XKR6: variants seen among roughly 807,000 people sequenced by gnomAD.
XKR6 encodes the protein XK-related protein 6.
Under a neutral mutation model 56.7 loss-of-function variants are expected in XKR6, and 22 were observed. The observed-to-expected ratio is 0.39, with a 90% CI of 0.28 to 0.55. The LOEUF is 0.55. Among genes scored for constraint, XKR6 ranks in the 20% least tolerant of loss-of-function variants. The pLI is 0.66. For missense variants in XKR6, 852 were observed against 889.0 expected (o/e 0.96, Z 0.53); for synonymous variants, 524 against 387.8 (o/e 1.35, Z -4.13).
intron 2 of XKR6, among the ~76,000 whole-genome samples, chr8:10,923,025 G>C (rs995409396): frequency 2.0e-5 from 3 of 152,214 alleles, no homozygotes; most frequent in Admixed American, 2.0e-4. Flanking sequence ...GCCTCTTCCT[G>C]ACAGTGAGGA....
In XKR6 at chr8:11,054,021, T is replaced by C. The variant is rs115983333; in HGVS notation, c.765-129191A>G. 1.9e-3 allele frequency among the ~76,000 whole-genome samples: 290 copies of C among 152,354 alleles called. 1 individual carries two copies. The highest frequency in any genetic ancestry group is 6.6e-3 in the African/African-American group (275 of 41,574). ...TGGAGTGGATGTTTTTCCTTCTTTA[T>C]ATTTCCTCTAACATTATGTGATAAC... On this transcript the variant is annotated intron_variant, in intron 1 of 2. Transcript: ENST00000416569.
intron 1 of XKR6, among the ~76,000 whole-genome samples, chr8:11,011,698 G>C (rs1364617239): frequency 6.6e-6 from 1 of 152,222 alleles, no homozygotes; most frequent in Non-Finnish European, 1.5e-5. Context: ...CCTGGGGACA[G>C]AGGCTGCGAT....
At position 11,201,637 on chromosome 8, in the gene XKR6, C is replaced by G. The variant is rs1178495118; in HGVS notation, c.-298G>C. On this transcript the variant is annotated 5_prime_UTR_variant, in exon 1 of 3. Coordinates refer to ENST00000416569, the MANE Select transcript of XKR6 (RefSeq NM_173683.4). The stretch of plus-strand genomic sequence containing the variant: ...CTGCTGGGCGGGGGACCGGGGGGTT[C>G]TCCCCGCCAGGGCTCCCCTTCCCCT... Among the ~76,000 whole-genome samples, 1 of 152,118 alleles carries G rather than the reference C, an allele frequency of 6.6e-6. No individual in the cohort carries two copies. The highest frequency in any genetic ancestry group is 2.4e-5 in the African/African-American group (1 of 41,442).
At position 11,024,284 on chromosome 8, in the gene XKR6, C is replaced by CATTTCATG. The variant is rs1172981460; in HGVS notation, c.765-99462_765-99455dup. 4.0e-5 allele frequency among the ~76,000 whole-genome samples: 6 copies of CATTTCATG among 148,834 alleles called. No homozygotes were observed. The East Asian group carries it at 1.2e-3, about 30-fold the overall frequency. On this transcript the variant is annotated intron_variant, in intron 1 of 2. Transcript: ENST00000416569. The stretch of plus-strand genomic sequence containing the variant: ...CCATCCAAGTGTTTACTTCCTTTCT[C>CATTTCATG]ATTTCATGACTTTGGGTTATTGACT...
chr8:10,976,141 A>G (rs989780398), intron 1 of XKR6, among the ~76,000 whole-genome samples: 1 of 151,170 alleles, frequency 6.6e-6, no homozygotes, highest in African/African-American at 2.4e-5. Context: ...GTGCCACTGC[A>G]CTCCAGCCTG....
chr8:11,172,194 C>T (rs533166093), intron 1 of XKR6, among the ~76,000 whole-genome samples: 1 of 151,806 alleles, frequency 6.6e-6, no homozygotes, highest in South Asian at 2.1e-4. Flanking sequence ...ACATGGCGAA[C>T]ACCCATCTCT....
At chr8:11,160,911 C>CAAAAA (rs33931830) in intron 1 of XKR6, among the ~76,000 whole-genome samples, 34 of 63,716 alleles carry the variant, frequency 5.3e-4, no homozygotes, top group African/African-American at 9.1e-4. Context: ...GACTCCGTCT[C>CAAAAA]AAAAAAAAAA....
At chr8:10,942,966 C>T (rs893734478) in intron 1 of XKR6, among the ~76,000 whole-genome samples, 1 of 152,232 alleles carries the variant, frequency 6.6e-6, no homozygotes, top group Non-Finnish European at 1.5e-5. Flanking sequence ...GATCTAGGGC[C>T]AGGTGGCCAC....
intron 1 of XKR6, among the ~76,000 whole-genome samples, chr8:11,174,533 C>T (rs918532367): frequency 2.0e-5 from 3 of 152,118 alleles, no homozygotes; most frequent in Admixed American, 6.6e-5. Context: ...AGTAGTTACT[C>T]AAACAGATTT....
chr8:11,173,293 G>T (rs1207990272), intron 1 of XKR6, among the ~76,000 whole-genome samples: 1 of 151,426 alleles, frequency 6.6e-6, no homozygotes, highest in Non-Finnish European at 1.5e-5. Context: ...GCAGTGAGCT[G>T]AGATCGTGCC....
intron 1 of XKR6, among the ~76,000 whole-genome samples, chr8:11,035,635 G>C (rs906222004): frequency 1.3e-5 from 2 of 152,286 alleles, no homozygotes; most frequent in East Asian, 3.9e-4. Flanking sequence ...ATCCTGTTTT[G>C]CATGAATAAG....
intron 1 of XKR6, among the ~76,000 whole-genome samples, chr8:11,040,689 C>G (rs868814976): frequency 6.6e-5 from 10 of 152,276 alleles, no homozygotes; most frequent in African/African-American, 2.2e-4. Flanking sequence ...TGAACAAACC[C>G]TCCTCATCAG....
chr8:10,917,832 C>G (rs1042204087), intron 2 of XKR6, among the ~76,000 whole-genome samples: 2 of 152,232 alleles, frequency 1.3e-5, no homozygotes, highest in Non-Finnish European at 2.9e-5. Context: ...CCCTTGATCT[C>G]TCTGGGCTTC....
chr8:11,050,109 C>A (rs891805410), intron 1 of XKR6, among the ~76,000 whole-genome samples: 1 of 152,180 alleles, frequency 6.6e-6, no homozygotes, highest in Non-Finnish European at 1.5e-5. Flanking sequence ...AAAGGAATAT[C>A]AGGAATGGAT....
At position 11,164,389 on chromosome 8, in the gene XKR6, T is replaced by TA. The variant is rs1232591119; in HGVS notation, c.764+36186dup. Among the ~76,000 whole-genome samples, 7 of 152,344 alleles carry TA rather than the reference T, an allele frequency of 4.6e-5. No homozygotes were observed. The East Asian group carries it at 1.3e-3, about 29-fold the overall frequency. The stretch of plus-strand genomic sequence containing the variant: ...CCCAGCACTTACTCAGGGCTGTCAT[T>TA]AGCCCTTTCTCCTCAGTTTCATCGC... On this transcript the variant is annotated intron_variant, in intron 1 of 2. Transcript: ENST00000416569.
chr8:10,924,769 A>G lies in XKR6; in HGVS notation c.826T>C (p.Phe276Leu). The G allele has an allele frequency of 3.1e-6, 5 of 1,614,032 alleles. No individual in the cohort carries two copies. Among genetic ancestry groups the G allele is most frequent in the Non-Finnish European group, 3.4e-6 (4 of 1,179,996 alleles). ...SQRRKEHQRR[F>L]YWAMMYEYAD... ...TATTCATACATCATAGCCCAGTAGA[A>G]GCGTCGCTGGTGTTCCTTCCGCCGC... Residue 276 changes from phenylalanine (F) to leucine (L), a missense_variant, in exon 2 of 3, where the codon TTC becomes CTC. Phe to Leu is a conservative substitution (Grantham distance 22, BLOSUM62 0). Coordinates refer to ENST00000416569, the MANE Select transcript of XKR6 (RefSeq NM_173683.4).
intron 1 of XKR6, among the ~76,000 whole-genome samples, chr8:11,049,460 G>C (rs1465503812): frequency 6.6e-6 from 1 of 152,138 alleles, no homozygotes; most frequent in Non-Finnish European, 1.5e-5. Flanking sequence ...CTCTCTGCAG[G>C]GGGCTGCGGG....
At chr8:11,184,243 A>G (rs1803147470) in intron 1 of XKR6, among the ~76,000 whole-genome samples, 1 of 152,184 alleles carries the variant, frequency 6.6e-6, no homozygotes, top group Non-Finnish European at 1.5e-5. Flanking sequence ...CACAGGTCAC[A>G]GATTTTGGCT....
At chr8:10,951,164 C>A (rs151144764) in intron 1 of XKR6, among the ~76,000 whole-genome samples, 2 of 152,182 alleles carry the variant, frequency 1.3e-5, no homozygotes, top group Admixed American at 6.5e-5. Flanking sequence ...CACCCCAGGT[C>A]CCTGCCCTTG....
Sources: gnomAD v4.1 joint callset for allele counts (sites outside exome capture counted in the v4.1 genomes callset) on GRCh38, gnomAD v4.1.1 for gene constraint, MANE v1.5 for transcripts, NCBI Gene and HGNC (gene_info 2026-07-23, HGNC 2026-07-21) for gene names.